CFAP47: variants seen among roughly 807,000 people sequenced by gnomAD.
CFAP47 encodes the protein cilia- and flagella-associated protein 47.
Under a neutral mutation model 148.1 loss-of-function variants are expected in CFAP47, and 29 were observed. The ratio of observed to expected loss-of-function variants is 0.20; its 90% CI spans 0.15 to 0.27. CFAP47 has a LOEUF of 0.27. Ranked by LOEUF, CFAP47 falls within the 10% of genes least tolerant of loss-of-function variation. The probability of loss-of-function intolerance (pLI) is 1.00; values close to 1 mark genes in which losing one functional copy is unlikely to be tolerated. For missense variants in CFAP47, 1,872 were observed against 1,697.5 expected, an observed-to-expected ratio of 1.10 and a Z score of -1.81; for synonymous variants, 664 against 577.3, an observed-to-expected ratio of 1.15 and a Z score of -2.15.
chrX:36,090,247 A>T (rs959059272), intron 30 of CFAP47, among the ~76,000 whole-genome samples: 9 of 112,130 alleles, frequency 8.0e-5, no homozygotes, highest in African/African-American at 2.3e-4. Context: ...TAAGTGCTCT[A>T]ATTCAATAAG....
chrX:36,367,229 A>G (rs1941886944), intron 62 of CFAP47, 102 bp downstream of exon 62: 4 of 574,531 alleles, frequency 7.0e-6, no homozygotes, highest in Non-Finnish European at 7.6e-6. Context: ...TTGCTGGTTA[A>G]GCCAGCGCAA....
chrX:36,172,293 C>A (rs1208867923), intron 39 of CFAP47, among the ~76,000 whole-genome samples: 2 of 104,233 alleles, frequency 1.9e-5, no homozygotes, highest in East Asian at 6.0e-4. Context: ...CCTTTATTTC[C>A]TTCTCCTGCC....
chrX:36,175,649 C>G (rs1939663445), intron 39 of CFAP47, among the ~76,000 whole-genome samples: 1 of 112,135 alleles, frequency 8.9e-6, no homozygotes, highest in South Asian at 3.7e-4. Flanking sequence ...AGGAGGCAGT[C>G]TGCCCATTCT....
At chrX:36,146,415 A>G (rs965790686) in intron 36 of CFAP47, among the ~76,000 whole-genome samples, 59 of 111,952 alleles carry the variant, frequency 5.3e-4, no homozygotes, top group Non-Finnish European at 8.6e-4. Context: ...ATAGAACACG[A>G]TTTATTTTCT....
At chrX:36,064,577 T>G (rs1937621116) in intron 26 of CFAP47, among the ~76,000 whole-genome samples, 1 of 111,964 alleles carries the variant, frequency 8.9e-6, no homozygotes, top group African/African-American at 3.2e-5. Flanking sequence ...GAACATTTTT[T>G]TACTTTCATC....
chrX:36,176,710 C>A (rs1379270416), intron 39 of CFAP47, among the ~76,000 whole-genome samples: 1 of 111,593 alleles, frequency 9.0e-6, no homozygotes, highest in East Asian at 2.8e-4. Flanking sequence ...TCAAGACCAG[C>A]CTGGCCAACA....
At chrX:36,261,338 T>TTTTTTTC in intron 49 of CFAP47, among the ~76,000 whole-genome samples, 1 of 95,494 alleles carries the variant, frequency 1.0e-5, no homozygotes, top group Non-Finnish European at 2.1e-5. Flanking sequence ...TTTTTTTTTT[T>TTTTTTTC]TTTTTTCATT....
intron 57 of CFAP47, among the ~76,000 whole-genome samples, chrX:36,330,297 T>A (rs1327680730): frequency 8.9e-6 from 1 of 112,049 alleles, no homozygotes; most frequent in Non-Finnish European, 1.9e-5. Context: ...CATTTATTTA[T>A]ATTTTTGCTC....
intron 19 of CFAP47, among the ~76,000 whole-genome samples, chrX:35,999,307 A>C (rs1439732669): frequency 8.9e-6 from 1 of 111,928 alleles, no homozygotes; most frequent in Admixed American, 9.5e-5. Flanking sequence ...TGTTGTCTCG[A>C]TCTCCTTTAA....
chrX:35,925,534 A>G (rs1452656438), intron 1 of CFAP47, among the ~76,000 whole-genome samples: 1 of 112,364 alleles, frequency 8.9e-6, no homozygotes, highest in Non-Finnish European at 1.9e-5. Context: ...TAGTCAACGA[A>G]TATATACAAT....
intron 48 of CFAP47, among the ~76,000 whole-genome samples, chrX:36,242,290 A>G (rs1228520390): frequency 8.9e-6 from 1 of 112,061 alleles, no homozygotes; most frequent in Non-Finnish European, 1.9e-5. Flanking sequence ...AAATGAGCCC[A>G]CTAGGTCTCC....
rs766294981 is a variant in CFAP47 at position 36,090,901 on chromosome X, T to G, written c.4916+5363T>G. 1.7e-4 allele frequency among the ~76,000 whole-genome samples: 19 copies of G among 111,661 alleles called. No homozygotes were observed. The South Asian group carries it at 6.7e-3, about 39-fold the overall frequency. On this transcript the variant is annotated intron_variant, in intron 30 of 63. Transcript: ENST00000378653. Reference sequence around the variant, plus strand: ...ATTTTTTGAAGATTAAGTTTAGCATTTAATAACTAATTGCACCTAATTATG... The same window carrying G: ...ATTTTTTGAAGATTAAGTTTAGCATGTAATAACTAATTGCACCTAATTATG...
chrX:36,350,682 T>C (rs1602121134), intron 59 of CFAP47, among the ~76,000 whole-genome samples: 1 of 102,105 alleles, frequency 9.8e-6, no homozygotes, highest in Non-Finnish European at 1.9e-5. Flanking sequence ...TTTATTATTA[T>C]TATTTATTTA....
chrX:36,001,243 G>A (rs1398422112), intron 20 of CFAP47, among the ~76,000 whole-genome samples: 1 of 111,177 alleles, frequency 9.0e-6, no homozygotes, highest in African/African-American at 3.3e-5. Flanking sequence ...TATTACTTAC[G>A]GACTCTTTGA....
At position 36,200,445 on chromosome X, in the gene CFAP47, A is replaced by G. The variant is rs1005207454; in HGVS notation, c.6388A>G (p.Met2130Val). The change falls in exon 43 of 64, where the codon ATG becomes GTG. Residue 2130 changes from methionine (M) to valine (V), a missense_variant. Transcript: ENST00000378653. Reference protein sequence around the residue: ...MTPLPSSCLPMNTSSSPVYYS... With the variant: ...MTPLPSSCLPVNTSSSPVYYS... ...CCCCTTGCCTTCCAGTTGCCTTCCA[A>G]TGAATACGTCTTCAAGTCCAGTTTA... 7 of 295,317 alleles carry G rather than the reference A, an allele frequency of 2.4e-5. No homozygotes were observed. Among genetic ancestry groups the G allele is most frequent in the African/African-American group, 1.9e-4 (7 of 36,333 alleles). 24.3% of individuals were successfully genotyped at this position (295,317 alleles called of 1,213,427 possible).
At chrX:35,935,002 G>A (rs1473606371) in intron 2 of CFAP47, among the ~76,000 whole-genome samples, 1 of 110,649 alleles carries the variant, frequency 9.0e-6, no homozygotes, top group African/African-American at 3.3e-5. Context: ...GTCTCTTTTG[G>A]AGCCATGAGC....
intron 40 of CFAP47, among the ~76,000 whole-genome samples, chrX:36,186,896 T>C (rs963068823): frequency 1.8e-5 from 2 of 110,931 alleles, no homozygotes; most frequent in Non-Finnish European, 3.8e-5. Context: ...TTTGATTCTA[T>C]TTTTTCCCTA....
At chrX:36,074,568 G>T (rs1937812424) in intron 29 of CFAP47, among the ~76,000 whole-genome samples, 1 of 110,511 alleles carries the variant, frequency 9.0e-6, no homozygotes, top group Admixed American at 9.7e-5. Flanking sequence ...ACATATTTTG[G>T]GATCTAGTTA....
Position 36,301,063 on chromosome X carries a change from C to T in CFAP47, c.7863-9C>T. On this transcript the variant is annotated splice_polypyrimidine_tract_variant and intron_variant, in intron 52 of 63. Coordinates refer to ENST00000378653, the MANE Select transcript of CFAP47 (RefSeq NM_001304548.2). ...TGCTGACAAAATTTTGTGTATTTCT[C>T]TCCACCAGCATTATTTTTCAGCCTG... 9.1e-7 allele frequency: 1 copy of T among 1,093,126 alleles called. No individual in the cohort carries two copies. 90.1% of individuals were successfully genotyped at this position (1,093,126 alleles called of 1,213,427 possible).
Sources: allele counts gnomAD v4.1 joint callset (sites outside exome capture counted in the v4.1 genomes callset), GRCh38; gene constraint gnomAD v4.1.1; transcripts MANE v1.5; gene names NCBI Gene and HGNC (gene_info 2026-07-23, HGNC 2026-07-21).